LRBA: variants seen among roughly 807,000 people sequenced by gnomAD.
The protein encoded by LRBA is LPS responsive beige-like anchor protein.
A neutral mutation model predicts 330.0 loss-of-function variants in LRBA; 176 were observed. The observed-to-expected ratio is 0.53, with a 90% CI of 0.47 to 0.60. LRBA has a LOEUF of 0.60. Among genes scored for constraint, LRBA ranks in the 20% least tolerant of loss-of-function variants. The pLI is 0.00. For missense variants in LRBA, 3,259 were observed against 3,444.8 expected, an observed-to-expected ratio of 0.95 and a Z score of 1.35; for synonymous variants, 1,230 against 1,193.0, an observed-to-expected ratio of 1.03 and a Z score of -0.64.
At chr4:150,894,169 A>C (rs951221523) in intron 16 of LRBA, among the ~76,000 whole-genome samples, 36 of 152,208 alleles carry the variant, frequency 2.4e-4, no homozygotes, top group African/African-American at 8.7e-4. Flanking sequence ...CTAAAATGCT[A>C]CTAAATGTTG....
chr4:150,480,193 T>C (rs1290447223), intron 42 of LRBA, among the ~76,000 whole-genome samples: 2 of 152,164 alleles, frequency 1.3e-5, no homozygotes, highest in African/African-American at 2.4e-5. Flanking sequence ...TACTTCAATG[T>C]AGTCCCAGCA....
intron 37 of LRBA, among the ~76,000 whole-genome samples, chr4:150,653,432 G>C (rs1210814640): frequency 2.0e-5 from 3 of 152,112 alleles, no homozygotes; most frequent in Non-Finnish European, 2.9e-5. Context: ...CTTCTGGATA[G>C]TAAAAGCTAC....
At chr4:150,305,623 TAATGAC>T (rs1230816537) in intron 52 of LRBA, among the ~76,000 whole-genome samples, 7 of 152,278 alleles carry the variant, frequency 4.6e-5, no homozygotes, top group Admixed American at 4.6e-4. Context: ...AAGGTTGGAT[TAATGAC>T]AATAACAAGA....
chr4:150,407,927 AATT>A (rs1471496660), intron 47 of LRBA, among the ~76,000 whole-genome samples: 2 of 152,146 alleles, frequency 1.3e-5, no homozygotes, highest in Admixed American at 6.6e-5. Context: ...AGAAAATTGT[AATT>A]GGAAAACCTG....
chr4:150,519,368 C>T (rs1351648997), intron 40 of LRBA, among the ~76,000 whole-genome samples: 5 of 152,152 alleles, frequency 3.3e-5, no homozygotes, highest in Non-Finnish European at 5.9e-5. Flanking sequence ...CATCTCTTCA[C>T]TGTCAACATC....
chr4:150,688,520 C>A (rs900809841), intron 36 of LRBA, among the ~76,000 whole-genome samples: 4 of 152,104 alleles, frequency 2.6e-5, no homozygotes, highest in African/African-American at 9.7e-5. Context: ...AACAGACAAC[C>A]TACAGAATGA....
intron 17 of LRBA, among the ~76,000 whole-genome samples, chr4:150,876,006 G>T (rs751900537): frequency 3.3e-5 from 5 of 152,202 alleles, no homozygotes; most frequent in Admixed American, 6.5e-5. Context: ...TCCAGGAGAT[G>T]AATGGGATTA....
intron 34 of LRBA, among the ~76,000 whole-genome samples, chr4:150,791,983 C>T (rs528342299): frequency 2.2e-5 from 3 of 138,308 alleles, no homozygotes; most frequent in East Asian, 2.2e-4. Flanking sequence ...GAGCAGAAAT[C>T]GCGCCACTGC....
intron 40 of LRBA, among the ~76,000 whole-genome samples, chr4:150,567,594 A>C (rs1769297358): frequency 6.6e-6 from 1 of 152,190 alleles, no homozygotes; most frequent in Non-Finnish European, 1.5e-5. Context: ...TAATAATAGA[A>C]TATAAGTCAT....
intron 47 of LRBA, among the ~76,000 whole-genome samples, chr4:150,408,292 G>C (rs928817332): frequency 6.6e-6 from 1 of 151,716 alleles, no homozygotes; most frequent in African/African-American, 2.4e-5. Flanking sequence ...TTAGTTAAAT[G>C]GACAAATTCC....
At chr4:150,967,700 T>C (rs1048929492) in intron 2 of LRBA, among the ~76,000 whole-genome samples, 1 of 152,230 alleles carries the variant, frequency 6.6e-6, no homozygotes, top group African/African-American at 2.4e-5. Flanking sequence ...TGTGTCACAT[T>C]TTGGTAAATC....
Position 150,882,867 on chromosome 4 carries a change from G to T in LRBA, c.2166-10112C>A, listed in dbSNP as rs144270811. ...GGAAGGATAAGTCTTCCAAGCTGTT[G>T]ACCTAAGTTCAATATCAGAGCTAAT... On this transcript the variant is annotated intron_variant, in intron 17 of 56. Transcript: ENST00000651943. Among the ~76,000 whole-genome samples, 913 of 152,242 alleles carry T rather than the reference G, an allele frequency of 6.0e-3. 40 individuals carry two copies. Among genetic ancestry groups the T allele is most frequent in the Admixed American group, 0.05 (760 of 15,286 alleles).
intron 9 of LRBA, among the ~76,000 whole-genome samples, chr4:150,909,826 ATTTTG>A (rs1337928280): frequency 2.0e-5 from 3 of 152,064 alleles, no homozygotes; most frequent in Non-Finnish European, 4.4e-5. Context: ...AACACTTGTT[ATTTTG>A]TTTTCTTTTT....
intron 37 of LRBA, among the ~76,000 whole-genome samples, chr4:150,607,036 T>C (rs889068096): frequency 6.6e-6 from 1 of 152,100 alleles, no homozygotes; most frequent in African/African-American, 2.4e-5. Flanking sequence ...AGAAATAGCA[T>C]GGATAAAGGC....
intron 36 of LRBA, among the ~76,000 whole-genome samples, chr4:150,721,660 G>A (rs1728953135): frequency 6.6e-6 from 1 of 152,058 alleles, no homozygotes; most frequent in African/African-American, 2.4e-5. Flanking sequence ...TGTCCCCCAG[G>A]CTGGAGTGCA....
intron 56 of LRBA, among the ~76,000 whole-genome samples, chr4:150,269,624 T>A (rs1471776230): frequency 6.6e-6 from 1 of 152,152 alleles, no homozygotes; most frequent in Non-Finnish European, 1.5e-5. Context: ...CAAAACAAAC[T>A]CATAACAAAA....
chr4:150,278,083 A>ACCACCAG, intron 55 of LRBA, 79 bp from the exon 56 acceptor site: 3 of 1,243,160 alleles, frequency 2.4e-6, no homozygotes, highest in Non-Finnish European at 3.5e-6. Context: ...AGTCATTCTT[A>ACCACCAG]CACCAGCTAC....
chr4:150,315,538 A>C lies in LRBA; in HGVS notation c.7693+23T>G, dbSNP rs1344394674. ...CACCATACAGAGCTTAATGAATCGCAAAGAGAGAAGGAAGTGACAGACCTA... is the reference window on the plus strand; with the variant it reads ...CACCATACAGAGCTTAATGAATCGCCAAGAGAGAAGGAAGTGACAGACCTA... On this transcript the variant is annotated intron_variant, in intron 51 of 56. Transcript: ENST00000651943. 5 of 1,605,022 alleles carry C rather than the reference A, an allele frequency of 3.1e-6. No individual in the cohort carries two copies. The South Asian group carries it at 5.5e-5, about 18-fold the overall frequency.
At position 151,014,599 on chromosome 4, in the gene LRBA, C is replaced by A; in HGVS notation, c.44G>T (p.Gly15Val). The change falls in exon 2 of 57, where the codon GGT becomes GTT. Residue 15 changes from glycine (G) to valine (V), a missense_variant. By Grantham distance (109) the Gly-to-Val change is moderately radical. Transcript: ENST00000651943. ...TCTCCCTCCACCTCCCCCGTCATCA[C>A]CTGTTGGTGGCGGGGAAGGGACACG... Reference protein sequence around the residue: ...DNRVPSPPPTGDDGGGGGREE... With the variant: ...DNRVPSPPPTVDDGGGGGREE... The A allele has an allele frequency of 6.2e-7, 1 of 1,610,738 alleles. No homozygotes were observed. Among genetic ancestry groups the A allele is most frequent in the Non-Finnish European group, 8.5e-7 (1 of 1,178,274 alleles).
Sources: gnomAD v4.1 joint callset for allele counts (sites outside exome capture counted in the v4.1 genomes callset) on GRCh38, gnomAD v4.1.1 for gene constraint, MANE v1.5 for transcripts, NCBI Gene and HGNC (gene_info 2026-07-23, HGNC 2026-07-21) for gene names.